DYNC2LI1: variants seen among roughly 807,000 people sequenced by gnomAD.
DYNC2LI1 encodes cytoplasmic dynein 2 light intermediate chain 1.
A neutral mutation model predicts 51.9 loss-of-function variants in DYNC2LI1; 45 were observed. That is an observed-to-expected ratio of 0.87 (90% CI 0.68 to 1.11). DYNC2LI1 has a LOEUF of 1.11. Among genes scored for constraint, DYNC2LI1 ranks in the 50% most tolerant of loss-of-function variants. DYNC2LI1 has a pLI of 0.00. For synonymous variants in DYNC2LI1, 130 were observed against 137.8 expected (o/e 0.94, Z 0.40); for missense variants, 490 against 417.4 (o/e 1.17, Z -1.51).
chr2:43,779,002 TCCCAGGA>T (rs1673153814), intron 2 of DYNC2LI1, among the ~76,000 whole-genome samples: 2 of 152,182 alleles, frequency 1.3e-5, no homozygotes, highest in Admixed American at 1.3e-4. Context: ...ATGCTTGTAA[TCCCAGGA>T]CTTTGGGAGG....
chr2:43,794,231 A>AG, intron 5 of DYNC2LI1: 1 of 410,156 alleles, frequency 2.4e-6, no homozygotes, highest in Non-Finnish European at 4.3e-6. Context: ...GTTCAAACAG[A>AG]AACTTAGTTC....
chr2:43,820,910 TC>T, the DYNC2LI1 span, among the ~76,000 whole-genome samples: 16 of 152,282 alleles, frequency 1.1e-4, no homozygotes, highest in East Asian at 1.9e-3. Context: ...CATCTCAGCC[TC>T]CCAAAGTGCT....
intron 5 of DYNC2LI1, among the ~76,000 whole-genome samples, chr2:43,790,065 A>AT (rs1281080551): frequency 4.6e-5 from 7 of 152,228 alleles, no homozygotes; most frequent in Non-Finnish European, 8.8e-5. Flanking sequence ...CCATCTCAGT[A>AT]TGAGTTAATT....
At position 43,795,777 on chromosome 2, in the gene DYNC2LI1, A is replaced by G. The variant is rs973461085; in HGVS notation, c.508-113A>G. 10 of 764,124 alleles carry G rather than the reference A, an allele frequency of 1.3e-5. No individual in the cohort carries two copies. In the African/African-American group the frequency reaches 1.4e-4, roughly 11 times the overall value. 47.3% of individuals were successfully genotyped at this position (764,124 alleles called of 1,614,324 possible). A position where few individuals can be genotyped will look rare whatever the true frequency, so the allele number is the denominator to read the frequency against. Reference sequence around the variant, plus strand: ...AACAAATTCTATGTCAAGCAAATTAAGTAAACATCTATGAAGAGACTGAAA... The same window carrying G: ...AACAAATTCTATGTCAAGCAAATTAGGTAAACATCTATGAAGAGACTGAAA... On this transcript the variant is annotated intron_variant, in intron 6 of 12. Coordinates refer to ENST00000260605, the MANE Select transcript of DYNC2LI1 (RefSeq NM_016008.4).
At chr2:43,783,434 C>A in intron 2 of DYNC2LI1, 86 bp from the exon 3 acceptor site, 2 of 1,009,860 alleles carry the variant, frequency 2.0e-6, no homozygotes, top group South Asian at 1.6e-5. Context: ...GATTAAAAAT[C>A]TATTTTGGGC....
chr2:43,778,520 G>A (rs543887860), intron 2 of DYNC2LI1, among the ~76,000 whole-genome samples: 2 of 152,252 alleles, frequency 1.3e-5, no homozygotes, highest in South Asian at 4.1e-4. Flanking sequence ...GTACTTAACA[G>A]TTTCCTACAT....
chr2:43,826,666 C>G, the DYNC2LI1 span: 2 of 1,294,354 alleles, frequency 1.5e-6, no homozygotes, highest in Non-Finnish European at 2.2e-6. Context: ...AACTGGCTTT[C>G]AGCCTGAGCT....
intron 10 of DYNC2LI1, among the ~76,000 whole-genome samples, chr2:43,802,682 C>T (rs4952679): frequency 0.16 from 24,943 of 151,998 alleles, 3,017 homozygotes; most frequent in African/African-American, 0.33. Flanking sequence ...ATCATGGCGC[C>T]TAGATCTCAT....
At chr2:43,825,993 T>G in the DYNC2LI1 span, among the ~76,000 whole-genome samples, 1 of 151,926 alleles carries the variant, frequency 6.6e-6, no homozygotes, top group Admixed American at 6.6e-5. Flanking sequence ...TTTGTTTGTT[T>G]GAGATGAGGT....
Position 43,801,719 on chromosome 2 carries a change from CTTA to C in DYNC2LI1, c.802+14_802+16del. On this transcript the variant is annotated intron_variant, in intron 10 of 12. Coordinates refer to ENST00000260605, the MANE Select transcript of DYNC2LI1 (RefSeq NM_016008.4). ...TCTTTCGGTCAAATAGGTTAGTGAA[CTTA>C]TTAAGATTGTTCAATCTTTTTTTAA... 1 of 1,600,522 alleles carries C rather than the reference CTTA, an allele frequency of 6.2e-7. No individual in the cohort carries two copies. Among genetic ancestry groups the C allele is most frequent in the African/African-American group, 1.3e-5 (1 of 74,714 alleles).
intron 10 of DYNC2LI1, among the ~76,000 whole-genome samples, chr2:43,803,826 G>A (rs1173190552): frequency 1.3e-5 from 2 of 152,208 alleles, no homozygotes; most frequent in African/African-American, 4.8e-5. Context: ...TACAGTTGTT[G>A]GAAATAGAAA....
chr2:43,798,386 T>C (rs1665960276), intron 8 of DYNC2LI1, among the ~76,000 whole-genome samples: 1 of 152,218 alleles, frequency 6.6e-6, no homozygotes, highest in African/African-American at 2.4e-5. Context: ...CACAGTACTT[T>C]GGGAAATGTT....
At chr2:43,804,071 T>TC (rs1666159050) in intron 10 of DYNC2LI1, among the ~76,000 whole-genome samples, 2 of 152,200 alleles carry the variant, frequency 1.3e-5, no homozygotes, top group Admixed American at 1.3e-4. Flanking sequence ...TTTTGGAATT[T>TC]CCCCTTTTTA....
intron 3 of DYNC2LI1, among the ~76,000 whole-genome samples, chr2:43,784,086 T>G (rs1278698250): frequency 6.6e-6 from 1 of 152,224 alleles, no homozygotes; most frequent in African/African-American, 2.4e-5. Flanking sequence ...TTGGAAGATA[T>G]TTCTCTGTTC....
intron 5 of DYNC2LI1, chr2:43,792,605 G>T: frequency 6.9e-7 from 1 of 1,446,786 alleles, no homozygotes; most frequent in Non-Finnish European, 9.1e-7. Context: ...TACATCTCCA[G>T]AACTTTTTGA....
At chr2:43,814,614 A>AAAT (rs1290410100), downstream of DYNC2LI1, 2 of 1,387,854 alleles carry the variant, frequency 1.4e-6, no homozygotes, top group African/African-American at 2.8e-5. Context: ...AACAAAAATG[A>AAAT]AATTCAGTAG....
chr2:43,823,857 G>A, the DYNC2LI1 span: 1 of 1,583,592 alleles, frequency 6.3e-7, no homozygotes, highest in Non-Finnish European at 8.6e-7. Context: ...GGTTACAGCT[G>A]GAGAAGGGAG....
At chr2:43,807,136 A>G (rs185971399) in intron 12 of DYNC2LI1, among the ~76,000 whole-genome samples, 2 of 152,268 alleles carry the variant, frequency 1.3e-5, no homozygotes, top group Non-Finnish European at 1.5e-5. Context: ...ATATTATTTC[A>G]TACTATTTCA....
the DYNC2LI1 span, chr2:43,819,788 C>T: frequency 2.0e-6 from 2 of 1,011,154 alleles, no homozygotes; most frequent in African/African-American, 3.2e-5. Context: ...AGTATAAATG[C>T]TCTAGACTAT....
Sources: gnomAD v4.1 joint callset for allele counts (sites outside exome capture counted in the v4.1 genomes callset) on GRCh38, gnomAD v4.1.1 for gene constraint, MANE v1.5 for transcripts, NCBI Gene and HGNC (gene_info 2026-07-23, HGNC 2026-07-21) for gene names.